Variants in ARHGEF28 observed in about 807,000 individuals in gnomAD.
ARHGEF28 encodes 190 kDa guanine nucleotide exchange factor.
Under a neutral mutation model 206.6 loss-of-function variants are expected in ARHGEF28, and 152 were observed. The observed-to-expected ratio is 0.74, with a 90% CI of 0.64 to 0.84. ARHGEF28 has a LOEUF of 0.84. Among genes scored for constraint, ARHGEF28 ranks in the 40% least tolerant of loss-of-function variants. The pLI is 0.00. For synonymous variants in ARHGEF28, 763 were observed against 776.4 expected, an observed-to-expected ratio of 0.98 and a Z score of 0.29; for missense variants, 2,028 against 2,073.2, an observed-to-expected ratio of 0.98 and a Z score of 0.42.
At chr5:73,902,932 A>T (rs571052558) in intron 31 of ARHGEF28, 56 of 152,310 alleles carry the variant, frequency 3.7e-4, no homozygotes, top group African/African-American at 1.4e-3. Flanking sequence ...GGGCCACGAC[A>T]GAGCCAGAAG....
chr5:73,642,997 C>T (rs1744221166), intron 1 of ARHGEF28, among the ~76,000 whole-genome samples: 1 of 152,154 alleles, frequency 6.6e-6, no homozygotes, highest in Non-Finnish European at 1.5e-5. Flanking sequence ...TGACAGCTCC[C>T]AGTTATATAG....
At chr5:73,787,218 G>A (rs1271428596) in intron 7 of ARHGEF28, among the ~76,000 whole-genome samples, 1 of 152,184 alleles carries the variant, frequency 6.6e-6, no homozygotes, top group Non-Finnish European at 1.5e-5. Flanking sequence ...TAGGCAGGCC[G>A]TTCTGCAGAG....
intron 1 of ARHGEF28, among the ~76,000 whole-genome samples, chr5:73,652,661 C>A (rs902155013): frequency 6.6e-6 from 1 of 152,098 alleles, no homozygotes; most frequent in Non-Finnish European, 1.5e-5. Context: ...AATATTGCTC[C>A]GAAAAGGTCA....
chr5:73,849,177 G>A, intron 13 of ARHGEF28, 90 bp downstream of exon 13: 1 of 936,686 alleles, frequency 1.1e-6, no homozygotes, highest in Non-Finnish European at 1.6e-6. Flanking sequence ...TTCAAGAACA[G>A]CAGACAAGAA....
At chr5:73,855,980 T>C (rs1317766943) in intron 14 of ARHGEF28, among the ~76,000 whole-genome samples, 1 of 152,174 alleles carries the variant, frequency 6.6e-6, no homozygotes, top group African/African-American at 2.4e-5. Flanking sequence ...GACCTAACCA[T>C]TCTTTAATTC....
chr5:73,904,457 T>A lies in ARHGEF28; in HGVS notation c.4161+52T>A, dbSNP rs779877211. 16 of 1,517,814 alleles carry A rather than the reference T, an allele frequency of 1.1e-5. No homozygotes were observed. In the Admixed American group the frequency reaches 2.3e-4, roughly 22 times the overall value. The allele number at this position is 1,517,814 out of a possible 1,614,324, so 94.0% of individuals were successfully genotyped here. On this transcript the variant is annotated intron_variant, in intron 33 of 35. Coordinates refer to ENST00000513042, the MANE Select transcript of ARHGEF28 (RefSeq NM_001177693.2). The stretch of plus-strand genomic sequence containing the variant: ...CTTGTGAATGGTTCTCTTAATGCAA[T>A]TCTCTTTGATGATTCCCAGACTTTA...
intron 9 of ARHGEF28, among the ~76,000 whole-genome samples, chr5:73,811,293 C>T (rs1755822910): frequency 6.6e-6 from 1 of 152,102 alleles, no homozygotes; most frequent in Non-Finnish European, 1.5e-5. Context: ...TTTTCTCTAC[C>T]CAGAAGTACT....
At chr5:73,680,871 TC>T (rs143013170) in intron 1 of ARHGEF28, among the ~76,000 whole-genome samples, 169 of 152,096 alleles carry the variant, frequency 1.1e-3, no homozygotes, top group Admixed American at 8.1e-3. Context: ...ATTCCTTTTA[TC>T]TTTTTTTTTC....
At chr5:73,797,121 T>C (rs1754867931) in intron 9 of ARHGEF28, among the ~76,000 whole-genome samples, 1 of 152,202 alleles carries the variant, frequency 6.6e-6, no homozygotes, top group African/African-American at 2.4e-5. Context: ...CTGTGAAGGA[T>C]TTGAGAAAGA....
intron 9 of ARHGEF28, among the ~76,000 whole-genome samples, chr5:73,813,183 C>A (rs1755948189): frequency 6.6e-6 from 1 of 152,266 alleles, no homozygotes; most frequent in African/African-American, 2.4e-5. Context: ...CACTGGGAGG[C>A]TTTTCTTGAA....
At chr5:73,792,196 A>T (rs1370804961) in intron 7 of ARHGEF28, among the ~76,000 whole-genome samples, 1 of 152,196 alleles carries the variant, frequency 6.6e-6, no homozygotes, top group Non-Finnish European at 1.5e-5. Flanking sequence ...TTTTTAAATG[A>T]TGAGGTACAA....
intron 35 of ARHGEF28, among the ~76,000 whole-genome samples, chr5:73,936,956 C>T (rs1442615780): frequency 1.3e-5 from 2 of 152,136 alleles, no homozygotes; most frequent in East Asian, 3.8e-4. Context: ...AGTCAGTTGG[C>T]TCAAAAGAAT....
chr5:73,880,526 C>G (rs141529498), intron 22 of ARHGEF28, among the ~76,000 whole-genome samples: 1 of 152,218 alleles, frequency 6.6e-6, no homozygotes, highest in Non-Finnish European at 1.5e-5. Context: ...GCGTTGCTCA[C>G]GCTAGGAGCT....
intron 33 of ARHGEF28, among the ~76,000 whole-genome samples, chr5:73,906,611 C>G (rs1212364715): frequency 1.3e-5 from 2 of 152,226 alleles, no homozygotes; most frequent in African/African-American, 4.8e-5. Flanking sequence ...TGGAGAGAAT[C>G]AACACCTTTA....
intron 24 of ARHGEF28, 129 bp from the exon 25 acceptor site, chr5:73,885,721 T>A: frequency 9.5e-7 from 1 of 1,054,668 alleles, no homozygotes; most frequent in Non-Finnish European, 1.3e-6. Context: ...CCAACATTTT[T>A]CTTATGGGAT....
At chr5:73,749,712 T>C in intron 2 of ARHGEF28, 125 bp from the exon 3 acceptor site, 1 of 1,018,880 alleles carries the variant, frequency 9.8e-7, no homozygotes, top group Non-Finnish European at 1.4e-6. Flanking sequence ...CTCATGCTAT[T>C]TGAACTCAAC....
intron 35 of ARHGEF28, among the ~76,000 whole-genome samples, chr5:73,916,675 G>C (rs1161032392): frequency 6.6e-6 from 1 of 152,080 alleles, no homozygotes; most frequent in East Asian, 1.9e-4. Flanking sequence ...TACATTCTGA[G>C]CTACTGGGGG....
intron 22 of ARHGEF28, 62 bp from the exon 23 acceptor site, chr5:73,882,410 A>AT (rs1210203882): frequency 1.7e-6 from 2 of 1,183,522 alleles, no homozygotes; most frequent in Non-Finnish European, 2.3e-6. Context: ...AAAATTGCAT[A>AT]TTTTTTGTGT....
intron 9 of ARHGEF28, among the ~76,000 whole-genome samples, chr5:73,818,405 C>G (rs1375496110): frequency 6.6e-6 from 1 of 151,996 alleles, no homozygotes; most frequent in Non-Finnish European, 1.5e-5. Flanking sequence ...CCCTTCCTCC[C>G]TTTTGTCAAG....
Sources: gnomAD v4.1 joint callset for allele counts (sites outside exome capture counted in the v4.1 genomes callset) on GRCh38, gnomAD v4.1.1 for gene constraint, MANE v1.5 for transcripts, NCBI Gene and HGNC (gene_info 2026-07-23, HGNC 2026-07-21) for gene names.